DGKI: variants seen among roughly 807,000 people sequenced by gnomAD.
DGKI encodes the protein diacylglycerol kinase iota.
DGKI carries 55 observed loss-of-function variants against 147.5 expected under a neutral mutation model. The observed-to-expected ratio is 0.37, with a 90% confidence interval of 0.30 to 0.47. The LOEUF is 0.47. Ranked by LOEUF, DGKI falls within the 20% of genes least tolerant of loss-of-function variation. DGKI has a pLI of 1.00. For missense variants in DGKI, 1,007 were observed against 1,323.8 expected, an observed-to-expected ratio of 0.76 and a Z score of 3.71; for synonymous variants, 469 against 477.1, an observed-to-expected ratio of 0.98 and a Z score of 0.22.
chr7:137,618,145 A>ATTTT (rs1554442494), intron 8 of DGKI, among the ~76,000 whole-genome samples: 1 of 12,234 alleles, frequency 8.2e-5, no homozygotes, highest in African/African-American at 2.4e-4. Flanking sequence ...ATATATATAT[A>ATTTT]TATATATTTT....
intron 19 of DGKI, among the ~76,000 whole-genome samples, chr7:137,562,392 C>CTCTACTAAAAATACAAAAAATA (rs1818447466): frequency 1.3e-5 from 2 of 152,040 alleles, no homozygotes; most frequent in Non-Finnish European, 2.9e-5. Context: ...AAAAATTAGC[C>CTCTACTAAAAATACAAAAAATA]GGCCCTTGTG....
At chr7:137,704,233 TTAAAA>T (rs1201312610) in intron 1 of DGKI, among the ~76,000 whole-genome samples, 1 of 152,062 alleles carries the variant, frequency 6.6e-6, no homozygotes, top group African/African-American at 2.4e-5. Context: ...ATTTAAATAA[TTAAAA>T]TAAACCATGT....
intron 1 of DGKI, among the ~76,000 whole-genome samples, chr7:137,825,695 CAT>C (rs1333156343): frequency 1.3e-5 from 2 of 151,672 alleles, no homozygotes; most frequent in Admixed American, 6.6e-5. Context: ...TACACACACA[CAT>C]ACACATACAC....
At chr7:137,505,201 AAAAAG>A (rs755021735) in intron 21 of DGKI, among the ~76,000 whole-genome samples, 45 of 152,288 alleles carry the variant, frequency 3.0e-4, no homozygotes, top group African/African-American at 7.5e-4. Flanking sequence ...AAATTTCTGA[AAAAAG>A]AAAAGAAAAG....
intron 12 of DGKI, among the ~76,000 whole-genome samples, chr7:137,590,189 T>C (rs1201706659): frequency 6.6e-6 from 1 of 152,234 alleles, no homozygotes; most frequent in Non-Finnish European, 1.5e-5. Flanking sequence ...TAAAAGTGTG[T>C]GCCCTACTGA....
intron 1 of DGKI, among the ~76,000 whole-genome samples, chr7:137,738,854 G>A (rs954312699): frequency 6.6e-6 from 1 of 151,552 alleles, no homozygotes; most frequent in African/African-American, 2.4e-5. Context: ...GAACACGCAG[G>A]TCTGGTTTCA....
In DGKI at chr7:137,585,365, T is replaced by C. The variant is rs369626094; in HGVS notation, c.1426-19A>G. 23 of 1,612,774 alleles carry C rather than the reference T, an allele frequency of 1.4e-5. No individual in the cohort carries two copies. The highest frequency in any genetic ancestry group is 1.8e-5 in the Non-Finnish European group (21 of 1,179,426). On this transcript the variant is annotated intron_variant, in intron 13 of 32. Coordinates refer to ENST00000614521, the MANE Select transcript of DGKI (RefSeq NM_001321708.2). ...TGTAGCCCTGAGGAATCAGAGAACA[T>C]ATCCATTGCTGTCCAGAGTGGAGAA...
At chr7:137,423,407 T>C (rs1812658091) in intron 28 of DGKI, among the ~76,000 whole-genome samples, 1 of 152,140 alleles carries the variant, frequency 6.6e-6, no homozygotes, top group African/African-American at 2.4e-5. Context: ...GAACTTGGGG[T>C]GAACAAGTGT....
intron 8 of DGKI, among the ~76,000 whole-genome samples, chr7:137,617,124 C>CAAAAAAAAAAAAAAAAA (rs60654879): frequency 4.2e-5 from 2 of 48,128 alleles, no homozygotes; most frequent in Non-Finnish European, 9.7e-5. Flanking sequence ...TCCCTTTTAC[C>CAAAAAAAAAAAAAAAAA]AAAAAAAAAA....
chr7:137,793,855 A>G (rs1796943652), intron 1 of DGKI, among the ~76,000 whole-genome samples: 1 of 152,208 alleles, frequency 6.6e-6, no homozygotes, highest in Non-Finnish European at 1.5e-5. Context: ...TCTAATAATC[A>G]CAAATTAGTC....
In DGKI at chr7:137,659,658, A is replaced by C. The variant is rs534012136; in HGVS notation, c.607-3118T>G. Among the ~76,000 whole-genome samples, 6 of 152,324 alleles carry C rather than the reference A, an allele frequency of 3.9e-5. No individual in the cohort carries two copies. The South Asian group carries it at 6.2e-4, about 16-fold the overall frequency. ...TTAAAAGCATTCAGTAGGGGCCGGG[A>C]GCAGTGGCTCATGCCTGTAATCCCA... On this transcript the variant is annotated intron_variant, in intron 3 of 32. Transcript: ENST00000614521.
At chr7:137,720,798 C>T (rs1794532182) in intron 1 of DGKI, among the ~76,000 whole-genome samples, 2 of 152,096 alleles carry the variant, frequency 1.3e-5, no homozygotes, top group Admixed American at 6.5e-5. Context: ...ATTATCAAGT[C>T]TCCATGATGT....
chr7:137,775,622 G>T (rs1796340918), intron 1 of DGKI, among the ~76,000 whole-genome samples: 1 of 152,174 alleles, frequency 6.6e-6, no homozygotes, highest in Non-Finnish European at 1.5e-5. Context: ...CATCTACTTT[G>T]AACCAACAAT....
At chr7:137,758,615 A>G (rs1201247350) in intron 1 of DGKI, among the ~76,000 whole-genome samples, 1 of 152,078 alleles carries the variant, frequency 6.6e-6, no homozygotes, top group African/African-American at 2.4e-5. Flanking sequence ...GAACCTGGGA[A>G]GCAGAGGTTG....
At chr7:137,407,139 T>C (rs780176954) in intron 30 of DGKI, among the ~76,000 whole-genome samples, 1 of 152,146 alleles carries the variant, frequency 6.6e-6, no homozygotes, top group East Asian at 1.9e-4. Context: ...TAGGCAGTAT[T>C]TTTCCCCTTT....
chr7:137,719,904 G>C (rs1187130357), intron 1 of DGKI, among the ~76,000 whole-genome samples: 1 of 152,152 alleles, frequency 6.6e-6, no homozygotes, highest in Non-Finnish European at 1.5e-5. Context: ...ACCTGGTCCT[G>C]AAACATTTTC....
chr7:137,471,308 C>T (rs6967642), intron 23 of DGKI, among the ~76,000 whole-genome samples: 7,949 of 152,070 alleles, frequency 0.052, 210 homozygotes, highest in South Asian at 0.078. Context: ...GTGCAGGCAG[C>T]AATAAAGACT....
At chr7:137,727,514 T>C (rs1794750098) in intron 1 of DGKI, among the ~76,000 whole-genome samples, 1 of 152,122 alleles carries the variant, frequency 6.6e-6, no homozygotes, top group Non-Finnish European at 1.5e-5. Flanking sequence ...AAGAGAGGAA[T>C]ATTTGGACAA....
At chr7:137,829,260 T>G (rs3823553) in intron 1 of DGKI, among the ~76,000 whole-genome samples, 34,686 of 151,930 alleles carry the variant, frequency 0.23, 9,401 homozygotes, top group African/African-American at 0.66. Flanking sequence ...CATAGGACAG[T>G]AAGGATGATG....
Sources: allele counts gnomAD v4.1 joint callset (sites outside exome capture counted in the v4.1 genomes callset), GRCh38; gene constraint gnomAD v4.1.1; transcripts MANE v1.5; gene names NCBI Gene and HGNC (gene_info 2026-07-23, HGNC 2026-07-21).